The following ALG1L2 variants were observed in gnomAD, a reference collection of about 807,000 sequenced individuals.
The protein encoded by ALG1L2 is putative glycosyltransferase ALG1L2.
Under a neutral mutation model 29.0 loss-of-function variants are expected in ALG1L2, and 32 were observed. That is an observed-to-expected ratio of 1.10 (90% CI 0.83 to 1.48). The LOEUF (loss-of-function observed/expected upper bound fraction) is 1.48, where lower values mean the gene tolerates loss of function less well. ALG1L2 is among the 40% of genes most tolerant of loss of function. The probability of loss-of-function intolerance (pLI) is 0.00; values close to 1 mark genes in which losing one functional copy is unlikely to be tolerated. For synonymous variants in ALG1L2, 110 were observed against 109.5 expected, an observed-to-expected ratio of 1.00 and a Z score of -0.03; for missense variants, 318 against 274.1, an observed-to-expected ratio of 1.16 and a Z score of -1.13.
chr3:130,091,188 A>C, intron 1 of ALG1L2, 73 bp from the exon 2 acceptor site: 1 of 1,453,648 alleles, frequency 6.9e-7, no homozygotes. Context: ...CATGGAACCC[A>C]AATGAGTGGT....
intron 1 of ALG1L2, among the ~76,000 whole-genome samples, chr3:130,083,315 G>A (rs1194778973): frequency 3.0e-5 from 4 of 132,138 alleles, no homozygotes; most frequent in African/African-American, 1.0e-4. Flanking sequence ...GTGGTGGCAG[G>A]CTCCTGTAAT....
chr3:130,092,133 C>T lies in ALG1L2; in HGVS notation c.164C>T (p.Ser55Leu), dbSNP rs766460351. Residue 55 changes from serine to leucine, a missense_variant, in exon 3 of 8, where the codon TCG becomes TTG. Coordinates refer to ENST00000425059, the MANE Select transcript of ALG1L2 (RefSeq NM_001136152.1). ...CCTGAGGACCCAGACACAGAGCGGT[C>T]GGCCTTCACGGAGCGGGATTCTGGG... Reference protein sequence around the residue: ...SEPEDPDTERSAFTERDSGSG... With the variant: ...SEPEDPDTERLAFTERDSGSG... 2.3e-5 allele frequency: 37 copies of T among 1,613,482 alleles called. No homozygotes were observed. In the Admixed American group the frequency reaches 2.7e-4, roughly 12 times the overall value.
intron 1 of ALG1L2, among the ~76,000 whole-genome samples, chr3:130,088,137 G>A (rs1466914653): frequency 6.6e-6 from 1 of 152,234 alleles, no homozygotes; most frequent in Non-Finnish European, 1.5e-5. Context: ...TAATAAGATG[G>A]GAGACGTTGC....
At position 130,091,283 on chromosome 3, in the gene ALG1L2, C is replaced by A; in HGVS notation, c.43C>A (p.Pro15Thr). ...CAGGGCTGTGACCGTCTACGACAAGCCGGCATCTTTCTTTAAAGAGGCACC... is the reference window on the plus strand; with the variant it reads ...CAGGGCTGTGACCGTCTACGACAAGACGGCATCTTTCTTTAAAGAGGCACC... ...AGWAVTVYDK[P>T]ASFFKEAPLD... is the part of the protein sequence containing the mutation. Residue 15 changes from proline to threonine, a missense_variant, in exon 2 of 8, where the codon CCG becomes ACG. Pro to Thr is a conservative substitution (Grantham distance 38). Coordinates refer to ENST00000425059, the MANE Select transcript of ALG1L2 (RefSeq NM_001136152.1). 6.3e-7 allele frequency: 1 copy of A among 1,599,666 alleles called. No homozygotes were observed.
rs983009616 is a variant in ALG1L2 at position 130,083,256 on chromosome 3, C to G, written c.20+1220C>G. 1.5e-4 allele frequency among the ~76,000 whole-genome samples: 21 copies of G among 142,186 alleles called. 1 individual carries two copies. The highest frequency in any genetic ancestry group is 4.9e-4 in the African/African-American group (20 of 40,548). 93.3% of individuals were successfully genotyped at this position (142,186 alleles called of 152,430 possible). On this transcript the variant is annotated intron_variant, in intron 1 of 7. Transcript: ENST00000425059. ...GTCAGGAGTTCGAGACCAGCCTGGC[C>G]AACATGGCGAAACCCCGTCTCTATT...
At chr3:130,091,911 C>G in intron 2 of ALG1L2, 190 bp from the exon 3 acceptor site, 1 of 907,710 alleles carries the variant, frequency 1.1e-6, no homozygotes, top group South Asian at 1.5e-5. Context: ...CTGTTGTAAC[C>G]TTAGCACCCA....
intron 4 of ALG1L2, chr3:130,094,116 A>C: frequency 4.4e-6 from 2 of 458,888 alleles, no homozygotes; most frequent in Non-Finnish European, 8.1e-6. Context: ...GGGCCCACCC[A>C]GTGGGTGGTC....
In ALG1L2 at chr3:130,095,512, T is replaced by G. The variant is rs555473693; in HGVS notation, c.425-537T>G. On this transcript the variant is annotated intron_variant, in intron 5 of 7. Transcript: ENST00000425059. ...GTGCAATGGTGCGATCTTGGCTCAC[T>G]GCAACCTCTTCTTTCCCAGGTTCAA... Among the ~76,000 whole-genome samples the G allele has an allele frequency of 4.0e-4, 61 of 152,050 alleles. 2 individuals are homozygous for G. In the South Asian group the frequency reaches 0.012, roughly 30 times the overall value.
chr3:130,086,667 GC>G (rs1181325776), intron 1 of ALG1L2, among the ~76,000 whole-genome samples: 1 of 142,170 alleles, frequency 7.0e-6, no homozygotes, highest in African/African-American at 2.5e-5. Context: ...ACAGAGCAAG[GC>G]CCTGTCTCTA....
chr3:130,087,345 A>G (rs1934913667), intron 1 of ALG1L2, among the ~76,000 whole-genome samples: 1 of 148,688 alleles, frequency 6.7e-6, no homozygotes, highest in African/African-American at 2.4e-5. Context: ...TTCTTCAAGA[A>G]TGCCAATACC....
chr3:130,085,167 C>T (rs749460341), intron 1 of ALG1L2, among the ~76,000 whole-genome samples: 1 of 95,700 alleles, frequency 1.0e-5, no homozygotes, highest in Non-Finnish European at 2.3e-5. Context: ...ACCATGTTGG[C>T]CAGGCTGGTC....
intron 6 of ALG1L2, among the ~76,000 whole-genome samples, 197 bp from the exon 7 acceptor site, chr3:130,096,978 A>G (rs376881501): frequency 6.6e-6 from 1 of 150,908 alleles, no homozygotes; most frequent in Non-Finnish European, 1.5e-5. Context: ...AATCGGTTTG[A>G]CCATTTTGAT....
At position 130,084,299 on chromosome 3, in the gene ALG1L2, C is replaced by CCCCACA. The variant is rs376123466; in HGVS notation, c.20+2263_20+2264insCCCACA. Among the ~76,000 whole-genome samples, 5 of 145,712 alleles carry CCCCACA rather than the reference C, an allele frequency of 3.4e-5. No homozygotes were observed. The Admixed American group carries it at 3.5e-4, about 10-fold the overall frequency. On this transcript the variant is annotated intron_variant, in intron 1 of 7. Coordinates refer to ENST00000425059, the MANE Select transcript of ALG1L2 (RefSeq NM_001136152.1). ...ATAGCGAGACCCCATTTCCCCCCCT[C>CCCCACA]AAAAAAAATTAATAAAAAGTAAAAA...
Position 130,098,298 on chromosome 3 carries a change from G to A in ALG1L2, c.*43G>A. The A allele has an allele frequency of 1.2e-5, 19 of 1,596,456 alleles. No homozygotes were observed. Among genetic ancestry groups the A allele is most frequent in the Non-Finnish European group, 1.6e-5 (19 of 1,179,772 alleles). On this transcript the variant is annotated 3_prime_UTR_variant, in exon 8 of 8. Transcript: ENST00000425059. Reference sequence around the variant, plus strand: ...ACCAGTTCCGGAAGAACCTGCGGGAGTCGCAGCAGCTCTGATGGGATGAGA... The same window carrying A: ...ACCAGTTCCGGAAGAACCTGCGGGAATCGCAGCAGCTCTGATGGGATGAGA...
intron 3 of ALG1L2, 107 bp downstream of exon 3, chr3:130,092,329 C>A: frequency 6.3e-7 from 1 of 1,595,266 alleles, no homozygotes. Context: ...ACCACGGTCT[C>A]AGTGAGAAGG....
intron 1 of ALG1L2, among the ~76,000 whole-genome samples, chr3:130,088,649 C>G (rs186076027): frequency 1.0e-4 from 16 of 152,406 alleles, no homozygotes; most frequent in Admixed American, 5.2e-4. Flanking sequence ...AACTCCCGAT[C>G]TCAGGTGATC....
rs1159931504 is a variant in ALG1L2, at chr3:130,093,018, A to G, written c.254-83A>G. 9 of 1,277,534 alleles carry G rather than the reference A, an allele frequency of 7.0e-6. No homozygotes were observed. In the African/African-American group the frequency reaches 9.0e-5, roughly 13 times the overall value. The allele number at this position is 1,277,534 out of a possible 1,614,324, so 79.1% of individuals were successfully genotyped here. On this transcript the variant is annotated intron_variant, in intron 3 of 7. Transcript: ENST00000425059. Reference sequence around the variant, plus strand: ...GCATTCCAGCCTGGGTGACAGAGCGAGAGTCTGTCAGAAAAAAAAAAAAAA... The same window carrying G: ...GCATTCCAGCCTGGGTGACAGAGCGGGAGTCTGTCAGAAAAAAAAAAAAAA...
At chr3:130,082,935 C>T (rs1934820397) in intron 1 of ALG1L2, among the ~76,000 whole-genome samples, 1 of 139,686 alleles carries the variant, frequency 7.2e-6, no homozygotes, top group South Asian at 2.3e-4. Flanking sequence ...AAGTCAATGG[C>T]ATTCTAAGAA....
intron 1 of ALG1L2, among the ~76,000 whole-genome samples, chr3:130,085,381 T>C (rs1226330141): frequency 5.1e-5 from 6 of 117,048 alleles, no homozygotes; most frequent in South Asian, 2.7e-4. Flanking sequence ...CAGGCATGAG[T>C]CACTGTGCCT....
Sources: gnomAD v4.1 joint callset for allele counts (sites outside exome capture counted in the v4.1 genomes callset) on GRCh38, gnomAD v4.1.1 for gene constraint, MANE v1.5 for transcripts, NCBI Gene and HGNC (gene_info 2026-07-23, HGNC 2026-07-21) for gene names.